The following PBX4 variants were observed in gnomAD, a reference collection of about 807,000 sequenced individuals.
The protein encoded by PBX4 is PBX homeobox 4, also known as pre-B-cell leukemia transcription factor 4.
A neutral mutation model predicts 35.1 loss-of-function variants in PBX4; 26 were observed. The ratio of observed to expected loss-of-function variants is 0.74; its 90% CI spans 0.54 to 1.03. The LOEUF is 1.03. Among genes scored for constraint, PBX4 ranks in the 50% least tolerant of loss-of-function variants. The probability of loss-of-function intolerance (pLI) is 0.00; values close to 1 mark genes in which losing one functional copy is unlikely to be tolerated. For synonymous variants in PBX4, 199 were observed against 204.2 expected, an observed-to-expected ratio of 0.97 and a Z score of 0.22; for missense variants, 448 against 504.3, an observed-to-expected ratio of 0.89 and a Z score of 1.07.
At chr19:19,591,594 C>T (rs1471162966) in intron 2 of PBX4, among the ~76,000 whole-genome samples, 1 of 152,248 alleles carries the variant, frequency 6.6e-6, no homozygotes, top group East Asian at 1.9e-4. Context: ...AAGCAGGCCC[C>T]TTCTCAAGAA....
At chr19:19,617,003 C>T (rs967380784) in intron 1 of PBX4, among the ~76,000 whole-genome samples, 4 of 152,040 alleles carry the variant, frequency 2.6e-5, no homozygotes, top group Admixed American at 6.6e-5. Flanking sequence ...TTAAACTCAA[C>T]TCTTTCCCTC....
At chr19:19,572,221 C>T (rs965025341) in intron 2 of PBX4, among the ~76,000 whole-genome samples, 1 of 151,140 alleles carries the variant, frequency 6.6e-6, no homozygotes, top group Non-Finnish European at 1.5e-5. Context: ...ACTACACATG[C>T]GTGCCGCCAT....
intron 2 of PBX4, among the ~76,000 whole-genome samples, chr19:19,581,339 C>A (rs577510453): frequency 7.2e-5 from 11 of 152,172 alleles, no homozygotes; most frequent in East Asian, 5.8e-4. Context: ...GAAGGCTGAG[C>A]CTGAGCTGCT....
chr19:19,575,299 G>C (rs1044343783), intron 2 of PBX4, among the ~76,000 whole-genome samples: 1 of 145,498 alleles, frequency 6.9e-6, no homozygotes, highest in African/African-American at 2.6e-5. Context: ...GCACCCATGA[G>C]CGAGGACAGC....
intron 2 of PBX4, among the ~76,000 whole-genome samples, chr19:19,587,244 A>G (rs2061495447): frequency 6.6e-6 from 1 of 152,100 alleles, no homozygotes; most frequent in Non-Finnish European, 1.5e-5. Context: ...ATAGCAATAG[A>G]AAGGGTTTCC....
chr19:19,579,532 C>T (rs2061440582), intron 2 of PBX4, among the ~76,000 whole-genome samples: 1 of 152,236 alleles, frequency 6.6e-6, no homozygotes, highest in Admixed American at 6.5e-5. Context: ...CCCTCACCCA[C>T]TCAGCAGTGC....
In PBX4 at chr19:19,562,896, T is replaced by C. The variant is rs2061316758; in HGVS notation, c.1032+613A>G. Among the ~76,000 whole-genome samples the C allele has an allele frequency of 6.6e-6, 1 of 152,146 alleles. No homozygotes were observed. The highest frequency in any genetic ancestry group is 6.5e-5 in the Admixed American group (1 of 15,280). On this transcript the variant is annotated intron_variant, in intron 7 of 7. Coordinates refer to ENST00000251203, the MANE Select transcript of PBX4 (RefSeq NM_025245.3). The surrounding 1 kb of genome is among the most constrained non-coding windows in gnomAD (Gnocchi z 4.8). ...CCACAGCAGGACAGTGTGGGACGTGTGCTTCCCAGGACCAGGTGGGACCCC... is the reference window on the plus strand; with the variant it reads ...CCACAGCAGGACAGTGTGGGACGTGCGCTTCCCAGGACCAGGTGGGACCCC...
chr19:19,587,093 C>T (rs1016994625), intron 2 of PBX4, among the ~76,000 whole-genome samples: 3 of 151,942 alleles, frequency 2.0e-5, no homozygotes, highest in African/African-American at 4.8e-5. Flanking sequence ...CAACCTCTGC[C>T]TCTCAGGTTC....
chr19:19,562,173 C>A lies in PBX4; in HGVS notation c.1033-56G>T. 7.2e-7 allele frequency: 1 copy of A among 1,379,628 alleles called. No individual in the cohort carries two copies. 85.5% of individuals were successfully genotyped at this position (1,379,628 alleles called of 1,614,324 possible). On this transcript the variant is annotated intron_variant, in intron 7 of 7. Coordinates refer to ENST00000251203, the MANE Select transcript of PBX4 (RefSeq NM_025245.3). The surrounding 1 kb of genome is among the most constrained non-coding windows in gnomAD (Gnocchi z 4.8). ...GGTGGCCGTGAGACTGGTGACTACCCAGCCCACGTGCTGCAGGCGGAGCCT... is the reference window on the plus strand; with the variant it reads ...GGTGGCCGTGAGACTGGTGACTACCAAGCCCACGTGCTGCAGGCGGAGCCT...
chr19:19,578,382 C>T (rs117316432), intron 2 of PBX4, among the ~76,000 whole-genome samples: 4,022 of 152,208 alleles, frequency 0.026, 93 homozygotes, highest in Non-Finnish European at 0.034. Context: ...TTGTGCTCCC[C>T]GTACACTGAT....
Position 19,570,280 on chromosome 19 carries a change from G to A in PBX4, c.461C>T (p.Thr154Met), listed in dbSNP as rs113788698. 5,422 of 1,609,454 alleles carry A rather than the reference G, an allele frequency of 3.4e-3. 14 individuals are homozygous for A. Among genetic ancestry groups the A allele is most frequent in the Non-Finnish European group, 3.9e-3 (4,633 of 1,177,096 alleles). The change falls in exon 4 of 8, where the codon ACG (threonine) becomes ATG (methionine). Residue 154 changes from threonine to methionine, a missense_variant. Physicochemically the swap from Thr to Met is moderately conservative, Grantham distance 81. Transcript: ENST00000251203. The part of the protein sequence containing the change: ...KYEQACREFT[T>M]HVTNLLQEQS... The stretch of plus-strand genomic sequence containing the variant: ...CTCCTGGAGGAGGTTGGTGACGTGC[G>A]TGGTGAACTCACGACAGGCCTGGGG...
At chr19:19,616,946 T>C (rs1269303234) in intron 1 of PBX4, among the ~76,000 whole-genome samples, 1 of 152,188 alleles carries the variant, frequency 6.6e-6, no homozygotes, top group Non-Finnish European at 1.5e-5. Flanking sequence ...CCTCCCAAAG[T>C]GCTGGGATTA....
Position 19,570,003 on chromosome 19 carries a change from G to A in PBX4, c.632+106C>T, listed in dbSNP as rs1391410758. 23 of 1,201,016 alleles carry A rather than the reference G, an allele frequency of 1.9e-5. No individual in the cohort carries two copies. The East Asian group carries it at 4.9e-4, about 25-fold the overall frequency. 74.4% of individuals were successfully genotyped at this position (1,201,016 alleles called of 1,614,324 possible). A position where few individuals can be genotyped will look rare whatever the true frequency, so the allele number is the denominator to read the frequency against. ...AAGAGGCTGTGAGGCCTCCAACCGT[G>A]ACTGCAGACACAGCCTCCAGGGCTG... On this transcript the variant is annotated intron_variant, in intron 4 of 7. Transcript: ENST00000251203.
At chr19:19,573,326 AATATACAC>A (rs1464685306) in intron 2 of PBX4, among the ~76,000 whole-genome samples, 1 of 81,662 alleles carries the variant, frequency 1.2e-5, no homozygotes, top group African/African-American at 4.9e-5. Context: ...AAAAAAAAAA[AATATACAC>A]ACACACACAC....
At chr19:19,580,449 ACTGGCCACAGTT>A (rs2061447117) in intron 2 of PBX4, among the ~76,000 whole-genome samples, 1 of 152,150 alleles carries the variant, frequency 6.6e-6, no homozygotes, top group Admixed American at 6.6e-5. Context: ...GAACGGGGCC[ACTGGCCACAGTT>A]CTGCCGGTGG....
chr19:19,573,764 C>CTG (rs2061402054), intron 2 of PBX4, among the ~76,000 whole-genome samples: 1 of 151,872 alleles, frequency 6.6e-6, no homozygotes, highest in Non-Finnish European at 1.5e-5. Context: ...GAGTCTTGCT[C>CTG]TGTGTCCCAG....
chr19:19,606,135 T>C (rs2061629882), intron 1 of PBX4, among the ~76,000 whole-genome samples: 1 of 152,160 alleles, frequency 6.6e-6, no homozygotes, highest in Admixed American at 6.6e-5. Flanking sequence ...TGTCCTTATA[T>C]AATCCTTTTT....
At chr19:19,577,379 G>A (rs1239156136) in intron 2 of PBX4, among the ~76,000 whole-genome samples, 1 of 152,064 alleles carries the variant, frequency 6.6e-6, no homozygotes, top group African/African-American at 2.4e-5. Context: ...ATCCTACAGG[G>A]GTACTGACAC....
intron 1 of PBX4, among the ~76,000 whole-genome samples, chr19:19,605,840 A>ATTTTTTTTTTTTTTTTTTT (rs71338333): frequency 4.9e-5 from 6 of 123,094 alleles, no homozygotes; most frequent in Non-Finnish European, 5.1e-5. Context: ...AGGCTCTAGG[A>ATTTTTTTTTTTTTTTTTTT]TTTTTTTTTT....
Sources: allele counts gnomAD v4.1 joint callset (sites outside exome capture counted in the v4.1 genomes callset), GRCh38; gene constraint gnomAD v4.1.1; non-coding constraint Gnocchi (gnomAD v3.1); transcripts MANE v1.5; gene names NCBI Gene and HGNC (gene_info 2026-07-23, HGNC 2026-07-21).